DPH6: variants seen among roughly 807,000 people sequenced by gnomAD.
The protein encoded by DPH6 is diphthine--ammonia ligase.
In DPH6, 33 loss-of-function variants were observed where a neutral mutation model predicts 38.2. The ratio of observed to expected loss-of-function variants is 0.86; its 90% CI spans 0.65 to 1.15. DPH6 has a LOEUF of 1.15. Ranked by LOEUF, DPH6 falls within the 50% of genes most tolerant of loss-of-function variation. The pLI is 0.00. For missense variants in DPH6, 325 were observed against 320.0 expected, an observed-to-expected ratio of 1.02 and a Z score of -0.12; for synonymous variants, 108 against 103.0, an observed-to-expected ratio of 1.05 and a Z score of -0.30.
At chr15:35,397,863 A>ATATATATATATATATG (rs1185857511) in intron 6 of DPH6, among the ~76,000 whole-genome samples, 13 of 118,564 alleles carry the variant, frequency 1.1e-4, no homozygotes, top group African/African-American at 4.6e-4. Context: ...ATCAATTTAT[A>ATATATATATATATATG]TATATACACA....
At chr15:35,533,947 A>C (rs2055127441) in intron 3 of DPH6, among the ~76,000 whole-genome samples, 1 of 152,098 alleles carries the variant, frequency 6.6e-6, no homozygotes, top group South Asian at 2.1e-4. Flanking sequence ...GAGGTTGGGA[A>C]AATTCTAGAG....
intron 3 of DPH6, among the ~76,000 whole-genome samples, chr15:35,502,190 C>T (rs564727996): frequency 6.6e-6 from 1 of 152,054 alleles, no homozygotes; most frequent in Non-Finnish European, 1.5e-5. Context: ...GGCACCCAGA[C>T]ATCACAGGAA....
intron 3 of DPH6, among the ~76,000 whole-genome samples, chr15:35,247,024 TAAAACAA>T (rs1035788644): frequency 6.6e-6 from 1 of 152,172 alleles, no homozygotes; most frequent in African/African-American, 2.4e-5. Context: ...ATTTTTATGT[TAAAACAA>T]ACTATCTCTT....
chr15:35,231,864 A>G (rs2051520357), intron 3 of DPH6, among the ~76,000 whole-genome samples: 1 of 152,034 alleles, frequency 6.6e-6, no homozygotes, highest in Non-Finnish European at 1.5e-5. Flanking sequence ...AAACAATTCA[A>G]TCTCATGATC....
intron 5 of DPH6, among the ~76,000 whole-genome samples, chr15:35,434,398 A>C (rs1191936849): frequency 6.6e-6 from 1 of 152,248 alleles, no homozygotes; most frequent in Non-Finnish European, 1.5e-5. Context: ...AAAATATTCC[A>C]TATAGCAAAA....
chr15:35,147,915 T>C, the DPH6 span, among the ~76,000 whole-genome samples: 244 of 152,354 alleles, frequency 1.6e-3, 2 homozygotes, highest in Admixed American at 3.3e-3. Flanking sequence ...CAATTAGTCC[T>C]GCATGTCAGA....
downstream of DPH6, among the ~76,000 whole-genome samples, chr15:35,329,981 T>C (rs961328007): frequency 6.6e-6 from 1 of 152,186 alleles, no homozygotes; most frequent in African/African-American, 2.4e-5. Context: ...CAGATTTCCA[T>C]GCAAATATAA....
intron 7 of DPH6, among the ~76,000 whole-genome samples, chr15:35,377,867 T>C (rs558494192): frequency 6.6e-6 from 1 of 152,036 alleles, no homozygotes; most frequent in Non-Finnish European, 1.5e-5. Flanking sequence ...ATTATTGTTA[T>C]TCATATTGTT....
chr15:35,451,973 G>C (rs965914792), intron 4 of DPH6, among the ~76,000 whole-genome samples: 15 of 152,294 alleles, frequency 9.8e-5, no homozygotes, highest in African/African-American at 3.6e-4. Flanking sequence ...TTGCGCCGCT[G>C]CACTCCAGCC....
chr15:35,443,844 G>A (rs572190156), intron 5 of DPH6, among the ~76,000 whole-genome samples: 1 of 150,498 alleles, frequency 6.6e-6, no homozygotes, highest in East Asian at 2.0e-4. Context: ...CACATACAAT[G>A]TGATATTTAT....
chr15:35,329,947 T>TA (rs201228342), downstream of DPH6, among the ~76,000 whole-genome samples: 9 of 151,318 alleles, frequency 5.9e-5, no homozygotes, highest in South Asian at 2.1e-4. Flanking sequence ...ATAGAAAGGT[T>TA]AAAAAAAAAT....
chr15:35,516,332 T>C (rs1160012468), intron 3 of DPH6, among the ~76,000 whole-genome samples: 1 of 152,184 alleles, frequency 6.6e-6, no homozygotes, highest in Non-Finnish European at 1.5e-5. Context: ...AGAGAAAGTG[T>C]TTTTCTAGTG....
intron 3 of DPH6, among the ~76,000 whole-genome samples, chr15:35,339,314 C>CATTATTATTATTATT (rs550954918): frequency 1.1e-4 from 17 of 149,210 alleles, no homozygotes; most frequent in African/African-American, 3.2e-4. Context: ...GCCTTAATTT[C>CATTATTATTATTATT]ATTATTATTA....
intron 3 of DPH6, among the ~76,000 whole-genome samples, chr15:35,473,332 C>T (rs941353847): frequency 1.3e-5 from 2 of 152,052 alleles, no homozygotes; most frequent in African/African-American, 4.8e-5. Flanking sequence ...CCAAATAAAT[C>T]AGAGGCATCA....
intron 3 of DPH6, chr15:35,520,940 TTC>T: frequency 1.0e-6 from 1 of 985,212 alleles, no homozygotes; most frequent in Non-Finnish European, 1.2e-6. Flanking sequence ...GATTAGCACC[TTC>T]TCTGAAATCA....
intron 8 of DPH6, 72 bp from the exon 9 acceptor site, chr15:35,372,275 C>T: frequency 8.3e-7 from 1 of 1,205,210 alleles, no homozygotes; most frequent in Non-Finnish European, 1.1e-6. Flanking sequence ...TATGACACTT[C>T]AAAGATGTAA....
intron 3 of DPH6, among the ~76,000 whole-genome samples, chr15:35,356,930 C>A (rs529762335): frequency 2.6e-5 from 4 of 152,330 alleles, no homozygotes; most frequent in East Asian, 1.9e-4. Flanking sequence ...GTGGGCTCCA[C>A]TCAGTTCGAG....
chr15:35,369,184 A>G (rs1225801022), downstream of DPH6, among the ~76,000 whole-genome samples: 2 of 151,820 alleles, frequency 1.3e-5, no homozygotes, highest in African/African-American at 2.4e-5. Flanking sequence ...AGGATTATGA[A>G]GAATGAAAAA....
At chr15:35,386,403 G>T (rs140806730) in intron 6 of DPH6, among the ~76,000 whole-genome samples, 4,715 of 152,286 alleles carry the variant, frequency 0.031, 246 homozygotes, top group African/African-American at 0.11. Context: ...TCTAGTTCTA[G>T]ATCCCTGAGG....
Sources: gnomAD v4.1 joint callset for allele counts (sites outside exome capture counted in the v4.1 genomes callset) on GRCh38, gnomAD v4.1.1 for gene constraint, MANE v1.5 for transcripts, NCBI Gene and HGNC (gene_info 2026-07-23, HGNC 2026-07-21) for gene names.